Variants in EPHA6 observed in about 807,000 individuals in gnomAD.
The protein encoded by EPHA6 is ephrin type-A receptor 6.
Under a neutral mutation model 112.0 loss-of-function variants are expected in EPHA6, and 50 were observed. That is an observed-to-expected ratio of 0.45 (90% CI 0.36 to 0.56). The LOEUF (loss-of-function observed/expected upper bound fraction) is 0.56. Ranked by LOEUF, EPHA6 falls within the 20% of genes least tolerant of loss-of-function variation. EPHA6 has a pLI of 0.00. For missense variants in EPHA6, 1,280 were observed against 1,417.4 expected, an observed-to-expected ratio of 0.90 and a Z score of 1.56; for synonymous variants, 529 against 490.7, an observed-to-expected ratio of 1.08 and a Z score of -1.03.
chr3:97,215,039 T>C (rs916474401), intron 3 of EPHA6, among the ~76,000 whole-genome samples: 3 of 152,234 alleles, frequency 2.0e-5, no homozygotes, highest in Non-Finnish European at 4.4e-5. Flanking sequence ...CAGGTTTATC[T>C]AAACTTACAG....
chr3:97,069,203 A>G (rs964116151), intron 3 of EPHA6, among the ~76,000 whole-genome samples: 3 of 152,296 alleles, frequency 2.0e-5, no homozygotes, highest in African/African-American at 4.8e-5. Context: ...TAAATTTATT[A>G]TATACTATAT....
intron 3 of EPHA6, among the ~76,000 whole-genome samples, chr3:97,056,186 A>G (rs1393579512): frequency 1.3e-5 from 2 of 152,186 alleles, no homozygotes; most frequent in Non-Finnish European, 2.9e-5. Flanking sequence ...AGTAGACAAT[A>G]CAGCATCGCA....
At chr3:96,895,146 C>G (rs1223675385) in intron 2 of EPHA6, among the ~76,000 whole-genome samples, 1 of 152,018 alleles carries the variant, frequency 6.6e-6, no homozygotes, top group Non-Finnish European at 1.5e-5. Context: ...CAGTTTCATG[C>G]CTGCTTTTGC....
intron 10 of EPHA6, among the ~76,000 whole-genome samples, chr3:97,487,624 TCTC>T (rs2091729090): frequency 6.6e-6 from 1 of 152,208 alleles, no homozygotes; most frequent in Non-Finnish European, 1.5e-5. Flanking sequence ...TTCTTAACAT[TCTC>T]CTTCTTTCCC....
intron 2 of EPHA6, among the ~76,000 whole-genome samples, chr3:96,919,657 A>G (rs1302252297): frequency 6.6e-6 from 1 of 151,902 alleles, no homozygotes; most frequent in Non-Finnish European, 1.5e-5. Flanking sequence ...AGTTTCATAG[A>G]TATAGAAATC....
Position 97,095,397 on chromosome 3 carries a change from C to T in EPHA6, c.1114+107404C>T, listed in dbSNP as rs2047204981. On this transcript the variant is annotated intron_variant, in intron 3 of 17. Coordinates refer to ENST00000389672, the MANE Select transcript of EPHA6 (RefSeq NM_001080448.3). Reference sequence around the variant, plus strand: ...AGCACACCAACATGGCACATGTATACATATGTAACAAACTGCACCTTGTGC... The same window carrying T: ...AGCACACCAACATGGCACATGTATATATATGTAACAAACTGCACCTTGTGC... 2.0e-5 allele frequency among the ~76,000 whole-genome samples: 3 copies of T among 152,018 alleles called. No individual in the cohort carries two copies. In the South Asian group the frequency reaches 6.3e-4, roughly 32 times the overall value.
chr3:96,988,024 T>C lies in EPHA6; in HGVS notation c.1114+31T>C, dbSNP rs1163875917. ...AAACAAACATTTAAATAATTTATCT[T>C]GCATTTAAATGATTTTAAAAAAGTT... On this transcript the variant is annotated intron_variant, in intron 3 of 17. Transcript: ENST00000389672. The C allele has an allele frequency of 5.4e-6, 8 of 1,490,388 alleles. No homozygotes were observed. The African/African-American group carries it at 1.1e-4, about 21-fold the overall frequency. 92.3% of individuals were successfully genotyped at this position (1,490,388 alleles called of 1,614,324 possible).
chr3:96,993,945 C>G (rs2107871677), intron 3 of EPHA6, among the ~76,000 whole-genome samples: 1 of 152,166 alleles, frequency 6.6e-6, no homozygotes, highest in African/African-American at 2.4e-5. Flanking sequence ...TAGTCATACT[C>G]CATATCTACT....
At chr3:97,552,115 G>A (rs1470187362) in intron 11 of EPHA6, among the ~76,000 whole-genome samples, 1 of 152,200 alleles carries the variant, frequency 6.6e-6, no homozygotes, top group East Asian at 1.9e-4. Flanking sequence ...CTAGGTCATA[G>A]AGTTGATTGC....
chr3:97,683,414 G>A (rs2032010804), intron 14 of EPHA6, among the ~76,000 whole-genome samples: 1 of 152,070 alleles, frequency 6.6e-6, no homozygotes. Flanking sequence ...AAAATAAACA[G>A]CATAATAACC....
At chr3:97,429,479 T>C (rs1344455104) in intron 6 of EPHA6, among the ~76,000 whole-genome samples, 1 of 152,166 alleles carries the variant, frequency 6.6e-6, no homozygotes, top group Non-Finnish European at 1.5e-5. Flanking sequence ...AGAAAAAATA[T>C]AACAGTAAAT....
intron 14 of EPHA6, among the ~76,000 whole-genome samples, chr3:97,705,162 C>T (rs62262839): frequency 0.019 from 2,916 of 152,136 alleles, 43 homozygotes; most frequent in Middle Eastern, 0.044. Flanking sequence ...TCATCTCTCC[C>T]CCTCCTTTAT....
Position 97,005,775 on chromosome 3 carries a change from T to G in EPHA6, c.1114+17782T>G, listed in dbSNP as rs905736907. 7.9e-5 allele frequency among the ~76,000 whole-genome samples: 12 copies of G among 152,350 alleles called. No homozygotes were observed. In the East Asian group the frequency reaches 2.3e-3, roughly 29 times the overall value. On this transcript the variant is annotated intron_variant, in intron 3 of 17. Transcript: ENST00000389672. ...AGTTTGTCATAAATAGCTCTTATTA[T>G]TTTGAGATGTGTGCCATCAATACCT...
At chr3:96,932,507 T>C (rs903749834) in intron 2 of EPHA6, among the ~76,000 whole-genome samples, 1 of 152,236 alleles carries the variant, frequency 6.6e-6, no homozygotes, top group African/African-American at 2.4e-5. Context: ...ACTTAAACCA[T>C]ACAAATTAGA....
At chr3:97,302,475 GTGT>G (rs2081133909) in intron 5 of EPHA6, among the ~76,000 whole-genome samples, 1 of 149,720 alleles carries the variant, frequency 6.7e-6, no homozygotes, top group Admixed American at 6.7e-5. Flanking sequence ...TTAACCTCAG[GTGT>G]TTTTTTTTTT....
rs941549815 is a variant in EPHA6 at position 97,448,666 on chromosome 3, A to T, written c.1830A>T (p.Arg610=). Residue 610 remains arginine, a synonymous_variant, in exon 7 of 18, where the codon CGA becomes CGT. Coordinates refer to ENST00000389672, the MANE Select transcript of EPHA6 (RefSeq NM_001080448.3). The part of the protein sequence containing the change: ...KPATKYVFHI[R]VRTATGYSGY... Reference sequence around the variant, plus strand: ...CCACCAAATATGTATTTCACATCCGAGTGAGAACTGCGACAGGATACAGTG... The same window carrying T: ...CCACCAAATATGTATTTCACATCCGTGTGAGAACTGCGACAGGATACAGTG... The T allele has an allele frequency of 1.2e-6, 2 of 1,613,466 alleles. No individual in the cohort carries two copies. Among genetic ancestry groups the T allele is most frequent in the Non-Finnish European group, 1.7e-6 (2 of 1,179,612 alleles).
At chr3:97,654,233 T>G (rs1275294722) in intron 14 of EPHA6, among the ~76,000 whole-genome samples, 1 of 151,932 alleles carries the variant, frequency 6.6e-6, no homozygotes, top group Admixed American at 6.6e-5. Context: ...ACATCAAATT[T>G]TATACCTTAT....
chr3:96,896,763 A>G (rs1406295092), intron 2 of EPHA6, among the ~76,000 whole-genome samples: 1 of 152,216 alleles, frequency 6.6e-6, no homozygotes, highest in Non-Finnish European at 1.5e-5. Flanking sequence ...AATTCAACAT[A>G]ACAAAAAGCA....
At chr3:97,432,262 T>A (rs2089556855) in intron 6 of EPHA6, among the ~76,000 whole-genome samples, 1 of 152,136 alleles carries the variant, frequency 6.6e-6, no homozygotes, top group African/African-American at 2.4e-5. Context: ...CAAGGTATAG[T>A]TTATTATTAA....
Sources: allele counts gnomAD v4.1 joint callset (sites outside exome capture counted in the v4.1 genomes callset), GRCh38; gene constraint gnomAD v4.1.1; transcripts MANE v1.5; gene names NCBI Gene and HGNC (gene_info 2026-07-23, HGNC 2026-07-21).